Variants in ASXL3 observed in about 807,000 individuals in gnomAD.
The protein encoded by ASXL3 is ASXL transcriptional regulator 3, also known as putative Polycomb group protein ASXL3.
A neutral mutation model predicts 170.6 loss-of-function variants in ASXL3; 34 were observed. The ratio of observed to expected loss-of-function variants is 0.20; its 90% CI spans 0.15 to 0.27. The LOEUF is 0.27. Among genes scored for constraint, ASXL3 ranks in the 10% least tolerant of loss-of-function variants. ASXL3 has a pLI of 1.00. For synonymous variants in ASXL3, 1,002 were observed against 989.1 expected (o/e 1.01, Z -0.24); for missense variants, 2,592 against 2,695.3 (o/e 0.96, Z 0.85).
Position 33,747,630 on chromosome 18 carries a change from CATT to C in ASXL3, c.*1036_*1038del, listed in dbSNP as rs2067817783. On this transcript the variant is annotated 3_prime_UTR_variant, in exon 12 of 12. Transcript: ENST00000269197. The stretch of plus-strand genomic sequence containing the variant: ...GTTGGCCATATCTTTTTAAAAGTGT[CATT>C]GATGATAAAAGGGACTACCCAAGGC... 6.6e-6 allele frequency: 1 copy of C among 152,072 alleles called. No homozygotes were observed. Among genetic ancestry groups the C allele is most frequent in the Non-Finnish European group, 1.5e-5 (1 of 68,022 alleles). 9.4% of individuals were successfully genotyped at this position (152,072 alleles called of 1,614,324 possible).
intron 8 of ASXL3, among the ~76,000 whole-genome samples, chr18:33,693,998 T>C (rs886755943): frequency 6.6e-6 from 1 of 152,138 alleles, no homozygotes; most frequent in African/African-American, 2.4e-5. Context: ...TATGGGGTCC[T>C]AGAGTAACAC....
At chr18:33,646,903 C>G (rs1166785895) in intron 4 of ASXL3, among the ~76,000 whole-genome samples, 1 of 149,146 alleles carries the variant, frequency 6.7e-6, no homozygotes, top group Non-Finnish European at 1.5e-5. Context: ...CATTTTTCAC[C>G]TCTGAATTTT....
chr18:33,699,146 A>C (rs2066826371), intron 8 of ASXL3, among the ~76,000 whole-genome samples: 1 of 152,186 alleles, frequency 6.6e-6, no homozygotes, highest in African/African-American at 2.4e-5. Flanking sequence ...ATAGGCCAAG[A>C]AATAAGAAAG....
intron 7 of ASXL3, among the ~76,000 whole-genome samples, chr18:33,680,357 G>A (rs2066496158): frequency 6.6e-6 from 1 of 152,012 alleles, no homozygotes; most frequent in Non-Finnish European, 1.5e-5. Context: ...TATCTGTTGA[G>A]ACTCACTGGA....
Position 33,744,876 on chromosome 18 carries a change from C to A in ASXL3, c.5028C>A (p.Asp1676Glu). Residue 1676 changes from aspartate to glutamate, a missense_variant, in exon 12 of 12, where the codon GAC becomes GAA. Asp to Glu is a conservative substitution (Grantham distance 45, BLOSUM62 2). Around this residue, in one of 4 missense-constraint regions of ASXL3, gnomAD observed 2,246 missense variants for 2,219.6 expected, o/e 1.01. Transcript: ENST00000269197. ...LPVKSELHEADKGFRMDTEDF... is the reference protein window; with the variant it reads ...LPVKSELHEAEKGFRMDTEDF... ...TGAAATCTGAACTTCACGAAGCAGACAAGGGCTTTAGAATGGACACTGAAG... is the reference window on the plus strand; with the variant it reads ...TGAAATCTGAACTTCACGAAGCAGAAAAGGGCTTTAGAATGGACACTGAAG... 6.2e-7 allele frequency: 1 copy of A among 1,614,014 alleles called. No homozygotes were observed. Among genetic ancestry groups the A allele is most frequent in the South Asian group, 1.1e-5 (1 of 91,086 alleles).
At chr18:33,713,676 A>T (rs1260296747) in intron 8 of ASXL3, among the ~76,000 whole-genome samples, 1 of 152,250 alleles carries the variant, frequency 6.6e-6, no homozygotes, top group Non-Finnish European at 1.5e-5. Flanking sequence ...CCATGTTGAC[A>T]TAACGGGGCG....
chr18:33,727,935 C>A (rs1226884049), intron 8 of ASXL3, among the ~76,000 whole-genome samples: 2 of 152,026 alleles, frequency 1.3e-5, no homozygotes, highest in Non-Finnish European at 2.9e-5. Context: ...AAATATTTTC[C>A]TCCAGGGCTA....
chr18:33,658,546 A>G (rs1191963819), intron 4 of ASXL3, among the ~76,000 whole-genome samples: 1 of 152,174 alleles, frequency 6.6e-6, no homozygotes, highest in Non-Finnish European at 1.5e-5. Flanking sequence ...TGAATTGCAA[A>G]TATGTCCTAC....
At chr18:33,591,131 G>A (rs1460573025) in intron 1 of ASXL3, among the ~76,000 whole-genome samples, 3 of 152,126 alleles carry the variant, frequency 2.0e-5, no homozygotes, top group Non-Finnish European at 2.9e-5. Flanking sequence ...GGAATTTATG[G>A]ACATCACAGT....
chr18:33,690,611 C>T (rs536327286), intron 8 of ASXL3, among the ~76,000 whole-genome samples: 1 of 152,250 alleles, frequency 6.6e-6, no homozygotes, highest in Non-Finnish European at 1.5e-5. Context: ...ATCTACTAAC[C>T]CCAATGCTAA....
chr18:33,653,251 G>C (rs60461929), intron 4 of ASXL3, among the ~76,000 whole-genome samples: 2 of 152,004 alleles, frequency 1.3e-5, no homozygotes, highest in East Asian at 3.9e-4. Context: ...CTACATGATC[G>C]TGGAGAAAGA....
rs78569189 is a variant in ASXL3, at chr18:33,636,323, A to G, written c.138-8571A>G. ...CACTGATTCAACAACAACAACAACAACAACAACAACAGCAACAACAACAGC... is the reference window on the plus strand; with the variant it reads ...CACTGATTCAACAACAACAACAACAGCAACAACAACAGCAACAACAACAGC... On this transcript the variant is annotated intron_variant, in intron 2 of 11. Transcript: ENST00000269197. Among the ~76,000 whole-genome samples, 742 of 94,934 alleles carry G rather than the reference A, an allele frequency of 7.8e-3. 3 individuals carry two copies. Among genetic ancestry groups the G allele is most frequent in the Non-Finnish European group, 0.012 (506 of 43,928 alleles). The allele number at this position is 94,934 out of a possible 152,430, so 62.3% of individuals were successfully genotyped here.
intron 1 of ASXL3, chr18:33,579,110 A>T (rs2064971598): frequency 6.5e-6 from 1 of 153,426 alleles, no homozygotes; most frequent in Non-Finnish European, 1.5e-5. Flanking sequence ...GTCTGTGTGT[A>T]TGTTCGGCGT....
At chr18:33,681,445 T>TA (rs2066513518) in intron 7 of ASXL3, among the ~76,000 whole-genome samples, 1 of 152,164 alleles carries the variant, frequency 6.6e-6, no homozygotes, top group South Asian at 2.1e-4. Flanking sequence ...TGTCATTTTT[T>TA]AGAGACATAG....
At chr18:33,720,209 C>T (rs2067235837) in intron 8 of ASXL3, among the ~76,000 whole-genome samples, 1 of 152,014 alleles carries the variant, frequency 6.6e-6, no homozygotes, top group African/African-American at 2.4e-5. Context: ...ACTCTAGGTG[C>T]AAGGCTCTTG....
intron 8 of ASXL3, among the ~76,000 whole-genome samples, chr18:33,726,107 ACCT>A (rs1015166285): frequency 6.6e-6 from 1 of 151,740 alleles, no homozygotes; most frequent in Non-Finnish European, 1.5e-5. Context: ...GCTAAAACAA[ACCT>A]CCTCTGCCTA....
chr18:33,725,846 G>A (rs908055416), intron 8 of ASXL3, among the ~76,000 whole-genome samples: 1 of 152,038 alleles, frequency 6.6e-6, no homozygotes, highest in Non-Finnish European at 1.5e-5. Flanking sequence ...ATCTTTCTCA[G>A]CCCCAGTGAT....
In ASXL3 at chr18:33,593,134, A is replaced by C. The variant is rs546861578; in HGVS notation, c.54+14449A>C. Among the ~76,000 whole-genome samples the C allele has an allele frequency of 3.9e-5, 6 of 152,246 alleles. No individual in the cohort carries two copies. The South Asian group carries it at 8.3e-4, about 21-fold the overall frequency. ...TGAGTTCAGGTTCCCAAGTTGAGACAAATTGTGTTTCATTGAAAAGGTATG... is the reference window on the plus strand; with the variant it reads ...TGAGTTCAGGTTCCCAAGTTGAGACCAATTGTGTTTCATTGAAAAGGTATG... On this transcript the variant is annotated intron_variant, in intron 1 of 11. Transcript: ENST00000269197.
At chr18:33,679,178 T>C (rs2145274892) in intron 7 of ASXL3, among the ~76,000 whole-genome samples, 1 of 152,270 alleles carries the variant, frequency 6.6e-6, no homozygotes, top group East Asian at 1.9e-4. Context: ...ATTTATGCCA[T>C]ATAATAAGAA....
Sources: gnomAD v4.1 joint callset for allele counts (sites outside exome capture counted in the v4.1 genomes callset) on GRCh38, gnomAD v4.1.1 for gene constraint, gnomAD v4.1.1 regional missense constraint, MANE v1.5 for transcripts, NCBI Gene and HGNC (gene_info 2026-07-23, HGNC 2026-07-21) for gene names.